The following RTL8B variants were observed in gnomAD, a reference collection of about 807,000 sequenced individuals.
RTL8B encodes the protein retrotransposon Gag-like protein 8B.
A neutral mutation model predicts 4.4 loss-of-function variants in RTL8B; 5 were observed. That is an observed-to-expected ratio of 1.13 (90% CI 0.59 to 2.37). The LOEUF is 2.37. RTL8B is among the 30% of genes most tolerant of loss of function. RTL8B has a pLI of 0.01. For synonymous variants in RTL8B, 31 were observed against 44.2 expected, an observed-to-expected ratio of 0.70 and a Z score of 1.19; for missense variants, 82 against 99.2, an observed-to-expected ratio of 0.83 and a Z score of 0.74.
At position 135,021,732 on chromosome X, in the gene RTL8B, T is replaced by G; in HGVS notation, c.*386A>C. 4 of 1,020,769 alleles carry G rather than the reference T, an allele frequency of 3.9e-6. No homozygotes were observed. The highest frequency in any genetic ancestry group is 5.1e-6 in the Non-Finnish European group (4 of 780,631). The allele number at this position is 1,020,769 out of a possible 1,213,427, so 84.1% of individuals were successfully genotyped here. A position where few individuals can be genotyped will look rare whatever the true frequency, so the allele number is the denominator to read the frequency against. ...CAGCGCAGGTCTGTGGGCAGCATGA[T>G]GTAGTCGTCTGGAAGTCTGGTGAGG... On this transcript the variant is annotated 3_prime_UTR_variant, in exon 1 of 1. Transcript: ENST00000391440.
rs1268209693 is a variant in RTL8B, at chrX:135,022,286, G to T, written c.174C>A (p.Phe58Leu). The change falls in exon 1 of 1, where the codon TTC becomes TTA. Residue 58 changes from phenylalanine to leucine, a missense_variant. Physicochemically the swap from Phe to Leu is conservative, Grantham distance 22. Transcript: ENST00000391440. ...SSYMFVDENT[F>L]SNDALKVTFL... Reference sequence around the variant, plus strand: ...ACGTCACCTTCAGGGCGTCGTTGGAGAACGTGTTCTCGTCCACGAACATGT... The same window carrying T: ...ACGTCACCTTCAGGGCGTCGTTGGATAACGTGTTCTCGTCCACGAACATGT... 24 of 1,210,785 alleles carry T rather than the reference G, an allele frequency of 2.0e-5. No individual in the cohort carries two copies. Among genetic ancestry groups the T allele is most frequent in the Non-Finnish European group, 2.7e-5 (24 of 895,353 alleles).
chrX:135,022,365 G>A lies in RTL8B; in HGVS notation c.95C>T (p.Thr32Met). The A allele has an allele frequency of 8.2e-7, 1 of 1,212,265 alleles. No homozygotes were observed. Among genetic ancestry groups the A allele is most frequent in the Non-Finnish European group, 1.1e-6 (1 of 895,621 alleles). Reference sequence around the variant, plus strand: ...GAGCCGGTCGGTATCGCCATCAAACGTCTCGGGAAAGGGAATCGGGTTCCT... The same window carrying A: ...GAGCCGGTCGGTATCGCCATCAAACATCTCGGGAAAGGGAATCGGGTTCCT... The part of the protein sequence containing the change: ...RWRNPIPFPE[T>M]FDGDTDRLPE... Residue 32 changes from threonine (T) to methionine (M), a missense_variant, in exon 1 of 1, where the codon ACG (threonine) becomes ATG (methionine). By Grantham distance (81) the Thr-to-Met change is moderately conservative (BLOSUM62 -1). Coordinates refer to ENST00000391440, the MANE Select transcript of RTL8B (RefSeq NM_001078173.2).
At position 135,021,653 on chromosome X, in the gene RTL8B, A is replaced by G; in HGVS notation, c.*465T>C. The G allele has an allele frequency of 1.0e-6, 1 of 988,661 alleles. No homozygotes were observed. Among genetic ancestry groups the G allele is most frequent in the Non-Finnish European group, 1.3e-6 (1 of 759,310 alleles). 81.5% of individuals were successfully genotyped at this position (988,661 alleles called of 1,213,427 possible). A position where few individuals can be genotyped will look rare whatever the true frequency, so the allele number is the denominator to read the frequency against. ...CCAGATACCTCCGAGGTGAGTACAG[A>G]TCACTAGAAGCAGCAGTCTGTCGGT... On this transcript the variant is annotated 3_prime_UTR_variant, in exon 1 of 1. Coordinates refer to ENST00000391440, the MANE Select transcript of RTL8B (RefSeq NM_001078173.2).
Position 135,021,771 on chromosome X carries a change from G to A in RTL8B, c.*347C>T. On this transcript the variant is annotated 3_prime_UTR_variant, in exon 1 of 1. Coordinates refer to ENST00000391440, the MANE Select transcript of RTL8B (RefSeq NM_001078173.2). ...AGTCTGGTGAGGAGGAGGGGGGTTG[G>A]CAGCGGCGGCTGTCAGTGGTCTGTC... The A allele has an allele frequency of 9.4e-7, 1 of 1,061,324 alleles. No homozygotes were observed. The highest frequency in any genetic ancestry group is 1.2e-6 in the Non-Finnish European group (1 of 805,851). The allele number at this position is 1,061,324 out of a possible 1,213,427, so 87.5% of individuals were successfully genotyped here.
rs1357134784 is a variant in RTL8B, at chrX:135,021,696, G to C, written c.*422C>G. 1.0e-6 allele frequency: 1 copy of C among 1,001,393 alleles called. No individual in the cohort carries two copies. Among genetic ancestry groups the C allele is most frequent in the Non-Finnish European group, 1.3e-6 (1 of 768,775 alleles). 82.5% of individuals were successfully genotyped at this position (1,001,393 alleles called of 1,213,427 possible). On this transcript the variant is annotated 3_prime_UTR_variant, in exon 1 of 1. Transcript: ENST00000391440. The stretch of plus-strand genomic sequence containing the variant: ...CTGTCGGTGGAATGCGATGGATGGC[G>C]ATGGCAGTGGCAGCGCAGGTCTGTG...
Position 135,021,869 on chromosome X carries a change from A to G in RTL8B, c.*249T>C, listed in dbSNP as rs1569476395. 1.7e-6 allele frequency: 2 copies of G among 1,151,708 alleles called. No individual in the cohort carries two copies. The highest frequency in any genetic ancestry group is 2.3e-6 in the Non-Finnish European group (2 of 864,986). The allele number at this position is 1,151,708 out of a possible 1,213,427, so 94.9% of individuals were successfully genotyped here. A position where few individuals can be genotyped will look rare whatever the true frequency, so the allele number is the denominator to read the frequency against. ...GTCCAAATGTGCATGGGAGGGGCTG[A>G]GCTGGCACGAGAGGGCGGAGGCAGC... is the stretch of plus-strand genomic sequence containing the variant. On this transcript the variant is annotated 3_prime_UTR_variant, in exon 1 of 1. Transcript: ENST00000391440.
Position 135,022,008 on chromosome X carries a change from G to C in RTL8B, c.*110C>G. The C allele has an allele frequency of 8.6e-7, 1 of 1,169,143 alleles. No individual in the cohort carries two copies. The highest frequency in any genetic ancestry group is 1.1e-6 in the Non-Finnish European group (1 of 874,987). On this transcript the variant is annotated 3_prime_UTR_variant, in exon 1 of 1. Transcript: ENST00000391440. ...AGCGCAGGGGACATCGTGGCGGCTC[G>C]AGGGGGAGGGAGGCGCGGAGGGAGG...
At position 135,022,179 on chromosome X, in the gene RTL8B, T is replaced by A. The variant is rs751372437; in HGVS notation, c.281A>T (p.Tyr94Phe). The A allele has an allele frequency of 2.5e-6, 3 of 1,210,385 alleles. No individual in the cohort carries two copies. The highest frequency in any genetic ancestry group is 3.4e-6 in the Non-Finnish European group (3 of 895,176). Residue 94 changes from tyrosine to phenylalanine, a missense_variant, in exon 1 of 1, where the codon TAC (tyrosine) becomes TTC (phenylalanine). Tyr to Phe is a conservative substitution (Grantham distance 22, BLOSUM62 3). Coordinates refer to ENST00000391440, the MANE Select transcript of RTL8B (RefSeq NM_001078173.2). ...CTTCATCTCAGCCAGGAAGCCCCGG[T>A]AATCACTGAGGAGGGGGCTCTCCTT... ...IKKESPLLSD[Y>F]RGFLAEMKRV...
At position 135,021,906 on chromosome X, in the gene RTL8B, T is replaced by C. The variant is rs771076737; in HGVS notation, c.*212A>G. 1.7e-6 allele frequency: 2 copies of C among 1,152,885 alleles called. No individual in the cohort carries two copies. Among genetic ancestry groups the C allele is most frequent in the African/African-American group, 3.6e-5 (2 of 55,313 alleles). On this transcript the variant is annotated 3_prime_UTR_variant, in exon 1 of 1. Transcript: ENST00000391440. The stretch of plus-strand genomic sequence containing the variant: ...AGGGCGGAGGCAGCCCGCTCCAGAG[T>C]GAGGCCCAGGGGCGGCAGCAGGAGC...
At position 135,022,241 on chromosome X, in the gene RTL8B, C is replaced by T. The variant is rs368528922; in HGVS notation, c.219G>A (p.Thr73=). The T allele has an allele frequency of 2.7e-5, 33 of 1,210,726 alleles. No homozygotes were observed. The highest frequency in any genetic ancestry group is 2.3e-4 in the Middle Eastern group (1 of 4,328). ...GGATCACCCACTGCAGGGCGGGCCC[C>T]GTGAGGCGGGTGATGAGGAACGTCA... ...LKVTFLITRL[T]GPALQWVIPY... Residue 73 remains threonine (T), a synonymous_variant, in exon 1 of 1, where the codon ACG becomes ACA. Coordinates refer to ENST00000391440, the MANE Select transcript of RTL8B (RefSeq NM_001078173.2).
In RTL8B at chrX:135,021,248, A is replaced by G. The variant is rs983307824; in HGVS notation, c.*870T>C. On this transcript the variant is annotated 3_prime_UTR_variant, in exon 1 of 1. Transcript: ENST00000391440. ...AGATATGGACCACATTTACAGGACC[A>G]GGGAGGGAAAGGTGCCATATTCATT... 4.2e-6 allele frequency: 1 copy of G among 235,365 alleles called. No homozygotes were observed. 19.4% of individuals were successfully genotyped at this position (235,365 alleles called of 1,213,427 possible).
At position 135,021,718 on chromosome X, in the gene RTL8B, T is replaced by C. The variant is rs2083267141; in HGVS notation, c.*400A>G. On this transcript the variant is annotated 3_prime_UTR_variant, in exon 1 of 1. Coordinates refer to ENST00000391440, the MANE Select transcript of RTL8B (RefSeq NM_001078173.2). Reference sequence around the variant, plus strand: ...GGCGATGGCAGTGGCAGCGCAGGTCTGTGGGCAGCATGATGTAGTCGTCTG... The same window carrying C: ...GGCGATGGCAGTGGCAGCGCAGGTCCGTGGGCAGCATGATGTAGTCGTCTG... 9.9e-7 allele frequency: 1 copy of C among 1,014,788 alleles called. No individual in the cohort carries two copies. The highest frequency in any genetic ancestry group is 1.3e-6 in the Non-Finnish European group (1 of 776,682). The allele number at this position is 1,014,788 out of a possible 1,213,427, so 83.6% of individuals were successfully genotyped here. A position where few individuals can be genotyped will look rare whatever the true frequency, so the allele number is the denominator to read the frequency against.
chrX:135,021,564 AAGGTAAC>A lies in RTL8B; in HGVS notation c.*547_*553del. 1 of 742,627 alleles carries A rather than the reference AAGGTAAC, an allele frequency of 1.3e-6. No individual in the cohort carries two copies. The highest frequency in any genetic ancestry group is 1.9e-6 in the Non-Finnish European group (1 of 536,297). 61.2% of individuals were successfully genotyped at this position (742,627 alleles called of 1,213,427 possible). ...ATTGGGGAGGAAATGGGTCTCGCTG[AAGGTAAC>A]AGGTCCCTTGAGGGGCAGCCAGCTG... On this transcript the variant is annotated 3_prime_UTR_variant, in exon 1 of 1. Coordinates refer to ENST00000391440, the MANE Select transcript of RTL8B (RefSeq NM_001078173.2).
rs775214897 is a variant in RTL8B, at chrX:135,021,538, G to C, written c.*580C>G. On this transcript the variant is annotated 3_prime_UTR_variant, in exon 1 of 1. Coordinates refer to ENST00000391440, the MANE Select transcript of RTL8B (RefSeq NM_001078173.2). ...TGGCAGGAGCACAAAAAGTCTCTGG[G>C]ATTGGGGAGGAAATGGGTCTCGCTG... is the stretch of plus-strand genomic sequence containing the variant. 3.4e-6 allele frequency: 2 copies of C among 591,151 alleles called. No individual in the cohort carries two copies. The highest frequency in any genetic ancestry group is 2.3e-5 in the South Asian group (1 of 42,733). 48.7% of individuals were successfully genotyped at this position (591,151 alleles called of 1,213,427 possible).
In RTL8B at chrX:135,021,259, G is replaced by A. The variant is rs749927516; in HGVS notation, c.*859C>T. On this transcript the variant is annotated 3_prime_UTR_variant, in exon 1 of 1. Coordinates refer to ENST00000391440, the MANE Select transcript of RTL8B (RefSeq NM_001078173.2). ...ACATTTACAGGACCAGGGAGGGAAA[G>A]GTGCCATATTCATTCAGACTCTATT... 33 of 233,292 alleles carry A rather than the reference G, an allele frequency of 1.4e-4. No homozygotes were observed. The highest frequency in any genetic ancestry group is 4.1e-4 in the African/African-American group (14 of 34,502). The allele number at this position is 233,292 out of a possible 1,213,427, so 19.2% of individuals were successfully genotyped here.
Position 135,022,384 on chromosome X carries a change from G to C in RTL8B, c.76C>G (p.Pro26Ala). 1 of 1,212,365 alleles carries C rather than the reference G, an allele frequency of 8.2e-7. No individual in the cohort carries two copies. The highest frequency in any genetic ancestry group is 1.1e-6 in the Non-Finnish European group (1 of 895,638). Reference protein sequence around the residue: ...LRPAARRWRNPIPFPETFDGD... With the variant: ...LRPAARRWRNAIPFPETFDGD... ...TCAAACGTCTCGGGAAAGGGAATCG[G>C]GTTCCTCCAGCGACGCGCCGCGGGC... The change falls in exon 1 of 1, where the codon CCG (proline) becomes GCG (alanine). Residue 26 changes from proline to alanine, a missense_variant. By Grantham distance (27) the Pro-to-Ala change is conservative (BLOSUM62 -1). Coordinates refer to ENST00000391440, the MANE Select transcript of RTL8B (RefSeq NM_001078173.2).
rs1046803575 is a variant in RTL8B at position 135,022,520 on chromosome X, C to G, written c.-61G>C. ...GCGCTGGGCTTCGCCGGGGGCTGCA[C>G]CGAGGCGTAGCGGGAAGTGCATGTC... On this transcript the variant is annotated 5_prime_UTR_variant, in exon 1 of 1. Transcript: ENST00000391440. The G allele has an allele frequency of 1.7e-6, 2 of 1,170,023 alleles. No individual in the cohort carries two copies.
Position 135,021,605 on chromosome X carries a change from A to G in RTL8B, c.*513T>C. The stretch of plus-strand genomic sequence containing the variant: ...TGAGGGGCAGCCAGCTGTCTGGATC[A>G]TTGTCCAGGGGCTGTGTCCAGCCCA... On this transcript the variant is annotated 3_prime_UTR_variant, in exon 1 of 1. Transcript: ENST00000391440. The G allele has an allele frequency of 1.1e-6, 1 of 940,009 alleles. No individual in the cohort carries two copies. Among genetic ancestry groups the G allele is most frequent in the Non-Finnish European group, 1.4e-6 (1 of 715,959 alleles). The allele number at this position is 940,009 out of a possible 1,213,427, so 77.5% of individuals were successfully genotyped here. A position where few individuals can be genotyped will look rare whatever the true frequency, so the allele number is the denominator to read the frequency against.
In RTL8B at chrX:135,022,227, T is replaced by C. The variant is rs1446808221; in HGVS notation, c.233A>G (p.Gln78Arg). 2 of 1,210,648 alleles carry C rather than the reference T, an allele frequency of 1.7e-6. No homozygotes were observed. The highest frequency in any genetic ancestry group is 3.5e-5 in the African/African-American group (2 of 57,431). The change falls in exon 1 of 1, where the codon CAG becomes CGG. Residue 78 changes from glutamine (Q) to arginine (R), a missense_variant. Transcript: ENST00000391440. ...LITRLTGPAL[Q>R]WVIPYIKKES... ...CTTCTTGATGTAGGGGATCACCCAC[T>C]GCAGGGCGGGCCCCGTGAGGCGGGT...
Sources: allele counts gnomAD v4.1 joint callset, GRCh38; gene constraint gnomAD v4.1.1; transcripts MANE v1.5; gene names NCBI Gene and HGNC (gene_info 2026-07-23, HGNC 2026-07-21).